Variants in DYM observed in about 807,000 individuals in gnomAD.
DYM encodes the protein dyggve-Melchior-Clausen syndrome protein.
Under a neutral mutation model 93.1 loss-of-function variants are expected in DYM, and 78 were observed. The ratio of observed to expected loss-of-function variants is 0.84; its 90% CI spans 0.70 to 1.01. The LOEUF (loss-of-function observed/expected upper bound fraction) is 1.01, where lower values mean the gene tolerates loss of function less well. DYM is among the 50% of genes least tolerant of loss of function. The pLI, the probability that DYM is intolerant of heterozygous loss-of-function variation, is 0.00. For synonymous variants in DYM, 321 were observed against 319.7 expected (o/e 1.00, Z -0.04); for missense variants, 789 against 845.0 (o/e 0.93, Z 0.82).
intron 5 of DYM, among the ~76,000 whole-genome samples, chr18:49,372,607 T>C (rs762410326): frequency 1.3e-5 from 2 of 152,098 alleles, no homozygotes; most frequent in Non-Finnish European, 2.9e-5. Context: ...TAGCCAGGCA[T>C]GGTGGCAGGC....
intron 2 of DYM, among the ~76,000 whole-genome samples, chr18:49,405,729 A>G (rs756787216): frequency 6.6e-6 from 1 of 152,130 alleles, no homozygotes; most frequent in Admixed American, 6.5e-5. Context: ...TTTTGGTTCC[A>G]TATTTTTGAA....
intron 2 of DYM, among the ~76,000 whole-genome samples, chr18:49,392,372 C>G (rs1407727740): frequency 1.3e-5 from 2 of 152,102 alleles, no homozygotes; most frequent in African/African-American, 4.8e-5. Context: ...TTAAAAACTT[C>G]TGTGGATCAA....
At chr18:49,410,489 T>C (rs150917553) in intron 2 of DYM, among the ~76,000 whole-genome samples, 1 of 151,820 alleles carries the variant, frequency 6.6e-6, no homozygotes, top group Non-Finnish European at 1.5e-5. Context: ...AGCTTACCAA[T>C]TGGTTGTATA....
rs114662348 is a variant in DYM, at chr18:49,091,903, G to A, written c.2025+5499C>T. On this transcript the variant is annotated intron_variant, in intron 17 of 17. Transcript: ENST00000675505. Reference sequence around the variant, plus strand: ...GCTGGGATTACAGGTGTGAGCCACTGCGCCCAGCCTTGACACATTATTTTT... The same window carrying A: ...GCTGGGATTACAGGTGTGAGCCACTACGCCCAGCCTTGACACATTATTTTT... Among the ~76,000 whole-genome samples, 929 of 152,054 alleles carry A rather than the reference G, an allele frequency of 6.1e-3. 11 individuals carry two copies. Among genetic ancestry groups the A allele is most frequent in the African/African-American group, 0.021 (864 of 41,464 alleles).
At chr18:49,206,075 T>C (rs1358740247) in intron 14 of DYM, 2 of 200,722 alleles carry the variant, frequency 1.0e-5, no homozygotes, top group East Asian at 1.6e-4. Context: ...CTCGGCTCAC[T>C]GCAACCTCCG....
At chr18:49,389,795 C>A (rs924576182) in intron 3 of DYM, among the ~76,000 whole-genome samples, 1 of 152,072 alleles carries the variant, frequency 6.6e-6, no homozygotes, top group East Asian at 1.9e-4. Flanking sequence ...CCTAAAGTTA[C>A]CAGTATTACA....
chr18:49,179,045 A>G (rs1217192929), intron 14 of DYM, among the ~76,000 whole-genome samples: 2 of 152,038 alleles, frequency 1.3e-5, no homozygotes, highest in Non-Finnish European at 2.9e-5. Flanking sequence ...GATCTTCACA[A>G]TGTAATCCAG....
chr18:49,168,676 C>A (rs2088234946), intron 14 of DYM, among the ~76,000 whole-genome samples: 1 of 152,094 alleles, frequency 6.6e-6, no homozygotes, highest in African/African-American at 2.4e-5. Context: ...TCCCCGCCCC[C>A]AAGGAACTCA....
intron 1 of DYM, among the ~76,000 whole-genome samples, chr18:49,434,164 T>C (rs1190137390): frequency 6.6e-6 from 1 of 151,870 alleles, no homozygotes; most frequent in African/African-American, 2.4e-5. Flanking sequence ...GCCAACATGG[T>C]GAAACCCCGT....
At chr18:49,306,227 A>C (rs182557676) in intron 8 of DYM, among the ~76,000 whole-genome samples, 69 of 152,368 alleles carry the variant, frequency 4.5e-4, no homozygotes, top group Admixed American at 2.1e-3. Context: ...AATAGCAGAG[A>C]CATAACACAA....
intron 17 of DYM, among the ~76,000 whole-genome samples, chr18:49,067,832 T>C (rs2076592106): frequency 6.6e-6 from 1 of 152,096 alleles, no homozygotes; most frequent in Non-Finnish European, 1.5e-5. Context: ...AAAATATTTA[T>C]GGTACTAGAA....
intron 17 of DYM, among the ~76,000 whole-genome samples, chr18:49,083,724 G>C (rs1302116281): frequency 6.6e-6 from 1 of 152,078 alleles, no homozygotes; most frequent in Non-Finnish European, 1.5e-5. Context: ...AGTCAGTTTT[G>C]ATAATTTGTA....
chr18:49,312,756 G>A (rs1317052144), intron 8 of DYM, among the ~76,000 whole-genome samples: 4 of 152,174 alleles, frequency 2.6e-5, no homozygotes, highest in Non-Finnish European at 5.9e-5. Context: ...CCCAGGCGGG[G>A]CATCACCACC....
chr18:49,378,589 T>C lies in DYM; in HGVS notation c.399A>G (p.Glu133=), dbSNP rs1245814944. ...EEELQLHFTY[E]EKSPGNYSSD... ...TACTGTAATTGCCAGGAGATTTTTC[T>C]TCATAAGTAAAATGAAGTTGTAATT... Residue 133 remains glutamate (E), a synonymous_variant, in exon 5 of 18, where the codon GAA becomes GAG. Coordinates refer to ENST00000675505, the MANE Select transcript of DYM (RefSeq NM_001353214.3). 2 of 1,612,136 alleles carry C rather than the reference T, an allele frequency of 1.2e-6. No individual in the cohort carries two copies. The highest frequency in any genetic ancestry group is 3.3e-5 in the Admixed American group (2 of 59,988).
intron 17 of DYM, among the ~76,000 whole-genome samples, chr18:49,079,606 C>G (rs1250193734): frequency 2.6e-4 from 39 of 151,682 alleles, no homozygotes; most frequent in African/African-American, 9.4e-4. Context: ...GGTGATGACT[C>G]TTAACGAGCA....
At chr18:49,311,996 A>G (rs1261688893) in intron 8 of DYM, among the ~76,000 whole-genome samples, 3 of 151,976 alleles carry the variant, frequency 2.0e-5, no homozygotes, top group Non-Finnish European at 4.4e-5. Context: ...AGACATTTAT[A>G]TTTTCCTGGT....
chr18:49,186,976 G>A (rs2090500849), intron 14 of DYM, among the ~76,000 whole-genome samples: 3 of 145,034 alleles, frequency 2.1e-5, no homozygotes, highest in Admixed American at 7.1e-5. Flanking sequence ...CTGGAGTGCA[G>A]TGGTGCGATC....
rs1298251215 is a variant in DYM at position 49,279,799 on chromosome 18, T to C, written c.1125+2198A>G. Among the ~76,000 whole-genome samples, 3 of 152,342 alleles carry C rather than the reference T, an allele frequency of 2.0e-5. No homozygotes were observed. The East Asian group carries it at 5.8e-4, about 29-fold the overall frequency. On this transcript the variant is annotated intron_variant, in intron 10 of 17. Transcript: ENST00000675505. ...TACTCATATAAGCAGCATACTTTCATACTCAATTTGCTATTTAAGCAGTGT... is the reference window on the plus strand; with the variant it reads ...TACTCATATAAGCAGCATACTTTCACACTCAATTTGCTATTTAAGCAGTGT...
intron 5 of DYM, among the ~76,000 whole-genome samples, chr18:49,375,066 T>C (rs567451499): frequency 6.6e-6 from 1 of 152,148 alleles, no homozygotes; most frequent in South Asian, 2.1e-4. Context: ...ATGGCTGATC[T>C]ACAGTGAAAC....
Sources: gnomAD v4.1 joint callset for allele counts (sites outside exome capture counted in the v4.1 genomes callset) on GRCh38, gnomAD v4.1.1 for gene constraint, MANE v1.5 for transcripts, NCBI Gene and HGNC (gene_info 2026-07-23, HGNC 2026-07-21) for gene names.